The following ST3GAL4 variants were observed in gnomAD, a reference collection of about 807,000 sequenced individuals.
ST3GAL4 encodes the protein ST3 beta-galactoside alpha-2,3-sialyltransferase 4, also known as CMP-N-acetylneuraminate-beta-galactosamide-alpha-2,3-sialyltransferase 4.
A neutral mutation model predicts 42.6 loss-of-function variants in ST3GAL4; 24 were observed. That is an observed-to-expected ratio of 0.56 (90% CI 0.41 to 0.79). ST3GAL4 has a LOEUF of 0.79. ST3GAL4 is among the 30% of genes least tolerant of loss of function. ST3GAL4 has a pLI of 0.00. For missense variants in ST3GAL4, 311 were observed against 430.8 expected, an observed-to-expected ratio of 0.72 and a Z score of 2.46; for synonymous variants, 135 against 163.2, an observed-to-expected ratio of 0.83 and a Z score of 1.32.
chr11:126,374,454 CAAAAAAAAA>C (rs869295718), intron 1 of ST3GAL4, among the ~76,000 whole-genome samples: 7 of 63,210 alleles, frequency 1.1e-4, no homozygotes, highest in South Asian at 1.4e-3. Context: ...ACTTTGTCTC[CAAAAAAAAA>C]AAAAAAAAAA....
rs1591494441 is a variant in ST3GAL4 at position 126,409,378 on chromosome 11, C to T, written c.738C>T (p.Ser246=). 6.2e-7 allele frequency: 1 copy of T among 1,614,230 alleles called. No individual in the cohort carries two copies. Among genetic ancestry groups the T allele is most frequent in the Admixed American group, 1.7e-5 (1 of 60,026 alleles). ...FMEIAADKLL[S]LPMQQPRKIK... ...AGATTGCAGCTGACAAACTGCTGAG[C>T]CTGCCAATGCAACAGCCACGGAAGA... The change falls in exon 9 of 11, where the codon AGC becomes AGT. Residue 246 remains serine, a synonymous_variant. Transcript: ENST00000444328. The surrounding 1 kb of genome is among the most constrained non-coding windows in gnomAD (Gnocchi z 4.9).
rs143689441 is a variant in ST3GAL4, at chr11:126,414,004, G to A, written c.959G>A (p.Arg320Gln). Reference protein sequence around the residue: ...NVSQEALAIKRMLEMGAIKNL... With the variant: ...NVSQEALAIKQMLEMGAIKNL... The stretch of plus-strand genomic sequence containing the variant: ...TCCCAAGAGGCCCTGGCCATTAAGC[G>A]GATGCTGGAGATGGGAGCTATCAAG... The change falls in exon 11 of 11, where the codon CGG (arginine) becomes CAG (glutamine). Residue 320 changes from arginine (R) to glutamine (Q), a missense_variant. Coordinates refer to ENST00000444328, the MANE Select transcript of ST3GAL4 (RefSeq NM_001254757.2). The A allele has an allele frequency of 1.1e-3, 1,730 of 1,614,256 alleles. 2 individuals are homozygous for A. Among genetic ancestry groups the A allele is most frequent in the Non-Finnish European group, 1.3e-3 (1,541 of 1,180,036 alleles).
intron 1 of ST3GAL4, among the ~76,000 whole-genome samples, chr11:126,358,207 A>C (rs982436494): frequency 2.0e-5 from 3 of 152,360 alleles, no homozygotes; most frequent in Middle Eastern, 3.4e-3. Flanking sequence ...GTTCAGTCGC[A>C]CTGGGCCGGC....
Position 126,407,607 on chromosome 11 carries a change from GCTCCTCCAT to G in ST3GAL4, c.316_324del (p.Ser106_Ile108del). ...CTCCTCCGGGTGCTAGCCATCACCA[GCTCCTCCAT>G]CCCCAAGAACATCCAGAGGTAAGGC... On this transcript the variant is annotated inframe_deletion, in exon 6 of 11. Transcript: ENST00000444328. 6.2e-7 allele frequency: 1 copy of G among 1,614,134 alleles called. No homozygotes were observed. Among genetic ancestry groups the G allele is most frequent in the Admixed American group, 1.7e-5 (1 of 60,012 alleles).
At chr11:126,357,412 G>C (rs1952107768) in intron 1 of ST3GAL4, among the ~76,000 whole-genome samples, 1 of 152,170 alleles carries the variant, frequency 6.6e-6, no homozygotes, top group Admixed American at 6.5e-5. Flanking sequence ...CTTGGACTTT[G>C]GGCAGAGTGG....
chr11:126,414,483 A>T lies in ST3GAL4; in HGVS notation c.*436A>T, dbSNP rs1320532249. ...CACGGCACTGGCCTCCCAGGAGGGC[A>T]GGGGCATTGGGAATGGGTGGGTGCC... On this transcript the variant is annotated 3_prime_UTR_variant, in exon 11 of 11. Coordinates refer to ENST00000444328, the MANE Select transcript of ST3GAL4 (RefSeq NM_001254757.2). The T allele has an allele frequency of 5.5e-6, 1 of 183,064 alleles. No individual in the cohort carries two copies. Among genetic ancestry groups the T allele is most frequent in the Non-Finnish European group, 1.2e-5 (1 of 86,344 alleles). 11.3% of individuals were successfully genotyped at this position (183,064 alleles called of 1,614,324 possible).
rs960755477 is a variant in ST3GAL4 at position 126,391,893 on chromosome 11, C to T, written c.-60-14203C>T. Among the ~76,000 whole-genome samples the T allele has an allele frequency of 2.0e-5, 3 of 151,008 alleles. No individual in the cohort carries two copies. The highest frequency in any genetic ancestry group is 4.9e-5 in the African/African-American group (2 of 40,890). Reference sequence around the variant, plus strand: ...TACCTAATGTTGTGAAGTGGAAATACTGGGGTGTGTTTTGAGGCTCAGAAC... The same window carrying T: ...TACCTAATGTTGTGAAGTGGAAATATTGGGGTGTGTTTTGAGGCTCAGAAC... On this transcript the variant is annotated intron_variant, in intron 1 of 10. Coordinates refer to ENST00000444328, the MANE Select transcript of ST3GAL4 (RefSeq NM_001254757.2). This position sits in a 1 kb window ranked among gnomAD's most constrained non-coding sequence, Gnocchi z 5.5.
rs140238835 is a variant in ST3GAL4 at position 126,358,003 on chromosome 11, A to G, written c.-61+2161A>G. ...GAAAGGAGCTGGCTGGGGGGCCTGCAGGGGATGGAGAGGGAGCTTGGGCCC... is the reference window on the plus strand; with the variant it reads ...GAAAGGAGCTGGCTGGGGGGCCTGCGGGGGATGGAGAGGGAGCTTGGGCCC... On this transcript the variant is annotated intron_variant, in intron 1 of 10. Coordinates refer to ENST00000444328, the MANE Select transcript of ST3GAL4 (RefSeq NM_001254757.2). Among the ~76,000 whole-genome samples, 823 of 152,352 alleles carry G rather than the reference A, an allele frequency of 5.4e-3. 11 individuals carry two copies. Among genetic ancestry groups the G allele is most frequent in the African/African-American group, 0.019 (790 of 41,592 alleles).
At position 126,390,331 on chromosome 11, in the gene ST3GAL4, G is replaced by GT. The variant is rs71464835; in HGVS notation, c.-60-15756dup. On this transcript the variant is annotated intron_variant, in intron 1 of 10. Transcript: ENST00000444328. ...TGATGATAGTGTTTCCAGTTTGTTT[G>GT]TTTTTTTTTGCTATTGCAGCACTGC... 1.5e-3 allele frequency among the ~76,000 whole-genome samples: 226 copies of GT among 149,204 alleles called. 2 individuals carry two copies. Among genetic ancestry groups the GT allele is most frequent in the African/African-American group, 5.0e-3 (205 of 40,716 alleles).
rs1954440368 is a variant in ST3GAL4, at chr11:126,409,851, G to T, written c.771+440G>T. Among the ~76,000 whole-genome samples, 4 of 152,314 alleles carry T rather than the reference G, an allele frequency of 2.6e-5. No individual in the cohort carries two copies. The South Asian group carries it at 8.3e-4, about 32-fold the overall frequency. On this transcript the variant is annotated intron_variant, in intron 9 of 10. Coordinates refer to ENST00000444328, the MANE Select transcript of ST3GAL4 (RefSeq NM_001254757.2). The surrounding 1 kb of genome is among the most constrained non-coding windows in gnomAD (Gnocchi z 4.9). ...CTAAACAGTTTGTCTTGCATGTCAT[G>T]ATTTGGTATGGTGTGTCAATTCAGG...
intron 6 of ST3GAL4, 75 bp downstream of exon 6, chr11:126,407,709 ACCCC>A (rs1197206138): frequency 4.1e-6 from 4 of 975,786 alleles, no homozygotes; most frequent in Non-Finnish European, 5.3e-6. Context: ...CCCACTCCCC[ACCCC>A]CCCGCTCTGT....
At position 126,396,359 on chromosome 11, in the gene ST3GAL4, C is replaced by T. The variant is rs1228714166; in HGVS notation, c.-60-9737C>T. On this transcript the variant is annotated intron_variant, in intron 1 of 10. Coordinates refer to ENST00000444328, the MANE Select transcript of ST3GAL4 (RefSeq NM_001254757.2). The surrounding 1 kb of genome is among the most constrained non-coding windows in gnomAD (Gnocchi z 5.8). ...GAGTCCGCAGCCCGGGAGACCTGGC[C>T]TACAGCGGAGAGAGTCAGTCCATGC... Among the ~76,000 whole-genome samples, 2 of 152,060 alleles carry T rather than the reference C, an allele frequency of 1.3e-5. No homozygotes were observed. The highest frequency in any genetic ancestry group is 4.8e-5 in the African/African-American group (2 of 41,312).
intron 1 of ST3GAL4, among the ~76,000 whole-genome samples, chr11:126,358,160 C>T (rs978955994): frequency 2.0e-5 from 3 of 152,238 alleles, no homozygotes; most frequent in Admixed American, 2.0e-4. Context: ...CAGGGTGGGA[C>T]ACCCCGAGCA....
intron 1 of ST3GAL4, among the ~76,000 whole-genome samples, chr11:126,364,375 G>T (rs890647193): frequency 6.8e-6 from 1 of 146,592 alleles, no homozygotes; most frequent in Non-Finnish European, 1.5e-5. Flanking sequence ...GGAGCAGGAG[G>T]GGGAAGTGCT....
chr11:126,371,488 C>A (rs188262453), intron 1 of ST3GAL4, among the ~76,000 whole-genome samples: 1 of 152,092 alleles, frequency 6.6e-6, no homozygotes, highest in South Asian at 2.1e-4. Flanking sequence ...CACATAAGCA[C>A]GCACTATTTA....
intron 1 of ST3GAL4, among the ~76,000 whole-genome samples, chr11:126,375,507 T>C (rs191490013): frequency 4.6e-5 from 7 of 152,218 alleles, no homozygotes; most frequent in South Asian, 2.1e-4. Flanking sequence ...TAGCCAGAAT[T>C]CCAGTGCCAG....
At chr11:126,375,869 CTTTTTTTT>C (rs11443803) in intron 1 of ST3GAL4, among the ~76,000 whole-genome samples, 1 of 122,646 alleles carries the variant, frequency 8.2e-6, no homozygotes, top group African/African-American at 3.0e-5. Context: ...CCTTTTCTTC[CTTTTTTTT>C]TTTTTTTTTT....
intron 1 of ST3GAL4, among the ~76,000 whole-genome samples, chr11:126,362,454 GC>G (rs1952277080): frequency 6.6e-6 from 1 of 152,118 alleles, no homozygotes; most frequent in Admixed American, 6.6e-5. Context: ...ACCTGCCTCG[GC>G]CTCCCAAAGT....
chr11:126,404,681 ACTTTT>A (rs1954150744), intron 1 of ST3GAL4, among the ~76,000 whole-genome samples: 1 of 152,154 alleles, frequency 6.6e-6, no homozygotes, highest in Non-Finnish European at 1.5e-5. Context: ...CAAACTGATC[ACTTTT>A]CTTTACTGGA....
Sources: gnomAD v4.1 joint callset for allele counts (sites outside exome capture counted in the v4.1 genomes callset) on GRCh38, gnomAD v4.1.1 for gene constraint, Gnocchi (gnomAD v3.1) non-coding constraint, MANE v1.5 for transcripts, NCBI Gene and HGNC (gene_info 2026-07-23, HGNC 2026-07-21) for gene names.